Variants in VPS13B observed in about 807,000 individuals in gnomAD.
VPS13B encodes vacuolar protein sorting 13 homolog B, also known as intermembrane lipid transfer protein VPS13B.
Under a neutral mutation model 426.4 loss-of-function variants are expected in VPS13B, and 285 were observed. The observed-to-expected ratio is 0.67, with a 90% CI of 0.61 to 0.74. The LOEUF is 0.74. VPS13B is among the 30% of genes least tolerant of loss of function. VPS13B has a pLI of 0.00. For missense variants in VPS13B, 4,537 were observed against 4,782.6 expected (o/e 0.95, Z 1.51); for synonymous variants, 1,676 against 1,676.4 (o/e 1.00, Z 0.01).
At chr8:99,475,432 T>C (rs1819639184) in intron 24 of VPS13B, among the ~76,000 whole-genome samples, 2 of 152,238 alleles carry the variant, frequency 1.3e-5, no homozygotes, top group African/African-American at 4.8e-5. Context: ...AGGATAGTCC[T>C]ACTCCACATG....
chr8:99,031,958 C>G (rs780835393), intron 2 of VPS13B, among the ~76,000 whole-genome samples: 9 of 152,256 alleles, frequency 5.9e-5, no homozygotes, highest in African/African-American at 1.9e-4. Flanking sequence ...TGCGAATTCT[C>G]TCTTTGGAGC....
Position 99,661,359 on chromosome 8 carries a change from G to A in VPS13B, c.5914G>A (p.Gly1972Arg). 1 of 1,613,532 alleles carries A rather than the reference G, an allele frequency of 6.2e-7. No homozygotes were observed. The highest frequency in any genetic ancestry group is 8.5e-7 in the Non-Finnish European group (1 of 1,179,718). ...TTTCAATTTTGTCACTTTAGATCCT[G>A]GGAAGACTCTGCCTGAAGCCCTTGA... Reference protein sequence around the residue: ...VASDYKCIDPGKTLPEALDYC... With the variant: ...VASDYKCIDPRKTLPEALDYC... Residue 1972 changes from glycine to arginine, a missense_variant, in exon 35 of 62, where the codon GGG becomes AGG. This residue lies in a region of VPS13B where 4,311 missense variants were observed against 4,474.3 expected (regional missense o/e 0.96). Transcript: ENST00000357162.
chr8:99,836,724 T>C (rs79415841), intron 54 of VPS13B, among the ~76,000 whole-genome samples: 2 of 152,236 alleles, frequency 1.3e-5, no homozygotes, highest in African/African-American at 4.8e-5. Context: ...TTACAAACCA[T>C]ATATTAAAGT....
chr8:99,540,992 AT>A, intron 30 of VPS13B, among the ~76,000 whole-genome samples: 1 of 152,288 alleles, frequency 6.6e-6, no homozygotes, highest in East Asian at 1.9e-4. Context: ...TATTCTGCTT[AT>A]AAAAACTGCC....
intron 17 of VPS13B, among the ~76,000 whole-genome samples, chr8:99,252,689 A>AT (rs1378240694): frequency 6.6e-6 from 1 of 152,004 alleles, no homozygotes; most frequent in African/African-American, 2.4e-5. Flanking sequence ...TGCTTCACAT[A>AT]TTTTATAGCT....
chr8:99,439,633 A>T (rs1817581679), intron 22 of VPS13B, among the ~76,000 whole-genome samples: 1 of 152,164 alleles, frequency 6.6e-6, no homozygotes, highest in Admixed American at 6.5e-5. Context: ...TCAAGTTGTA[A>T]ATAAAAATAA....
intron 16 of VPS13B, among the ~76,000 whole-genome samples, chr8:99,177,875 C>T (rs1043765782): frequency 6.6e-6 from 1 of 152,144 alleles, no homozygotes; most frequent in Non-Finnish European, 1.5e-5. Context: ...TTTGGCTTTG[C>T]CTGTGCACAG....
Position 99,511,429 on chromosome 8 carries a change from G to A in VPS13B, c.4550G>A (p.Arg1517His), listed in dbSNP as rs531149269. 62 of 1,613,126 alleles carry A rather than the reference G, an allele frequency of 3.8e-5. No individual in the cohort carries two copies. Among genetic ancestry groups the A allele is most frequent in the African/African-American group, 2.0e-4 (15 of 74,970 alleles). ...QPMRTHTLTS[R>H]NLPLIYVNTS... The stretch of plus-strand genomic sequence containing the variant: ...ATGAGGACCCATACACTGACATCCC[G>A]CAATTTACCTTTGATTTATGTCAAC... The change falls in exon 29 of 62, where the codon CGC becomes CAC. Residue 1517 changes from arginine (R) to histidine (H), a missense_variant. Around this residue, in one of 2 missense-constraint regions of VPS13B, gnomAD observed 4,311 missense variants for 4,474.3 expected, o/e 0.96. Coordinates refer to ENST00000357162, the MANE Select transcript of VPS13B (RefSeq NM_152564.5).
At chr8:99,164,707 ACTT>A (rs1811889638) in intron 15 of VPS13B, among the ~76,000 whole-genome samples, 1 of 150,416 alleles carries the variant, frequency 6.6e-6, no homozygotes, top group Admixed American at 6.6e-5. Flanking sequence ...TCTCTCTTCG[ACTT>A]CTTCTTTGTC....
intron 19 of VPS13B, among the ~76,000 whole-genome samples, chr8:99,344,498 A>G (rs1034508747): frequency 1.3e-5 from 2 of 152,180 alleles, no homozygotes; most frequent in Non-Finnish European, 2.9e-5. Flanking sequence ...TTTATTGGAT[A>G]TTGCCAAATT....
At chr8:99,462,867 G>A (rs1173478047) in intron 23 of VPS13B, among the ~76,000 whole-genome samples, 1 of 152,140 alleles carries the variant, frequency 6.6e-6, no homozygotes. Context: ...TTATCTAATT[G>A]TTTTCCAGCC....
At chr8:99,178,169 T>A (rs1036258873) in intron 16 of VPS13B, among the ~76,000 whole-genome samples, 55 of 151,748 alleles carry the variant, frequency 3.6e-4, no homozygotes, top group African/African-American at 1.2e-3. Context: ...ATTTTTTTTT[T>A]ATTATACTCT....
At position 99,823,967 on chromosome 8, in the gene VPS13B, T is replaced by G. The variant is rs1469384811; in HGVS notation, c.9319T>G (p.Ser3107Ala). Residue 3107 changes from serine (S) to alanine (A), a missense_variant, in exon 51 of 62, where the codon TCT (serine) becomes GCT (alanine). This residue lies in a region of VPS13B where 4,311 missense variants were observed against 4,474.3 expected (regional missense o/e 0.96). Coordinates refer to ENST00000357162, the MANE Select transcript of VPS13B (RefSeq NM_152564.5). ...ACAGCTATCTGTCTGCAATCCCCAT[T>G]CTGGAAAGGAGGTAAGCAAATCATA... ...KPQLSVCNPH[S>A]GKEYFRVPDS... The G allele has an allele frequency of 1.2e-6, 2 of 1,612,506 alleles. No homozygotes were observed. The highest frequency in any genetic ancestry group is 2.2e-5 in the South Asian group (2 of 91,068).
At chr8:99,779,210 T>C (rs1209982705) in intron 42 of VPS13B, among the ~76,000 whole-genome samples, 179 bp downstream of exon 42, 1 of 152,222 alleles carries the variant, frequency 6.6e-6, no homozygotes, top group Non-Finnish European at 1.5e-5. Flanking sequence ...CATGTTATTT[T>C]TGAAAAACTG....
At chr8:99,144,953 A>G (rs1401923028) in intron 13 of VPS13B, among the ~76,000 whole-genome samples, 2 of 152,240 alleles carry the variant, frequency 1.3e-5, no homozygotes, top group Non-Finnish European at 2.9e-5. Context: ...TGAAGTTTAT[A>G]TGTGAGCTAA....
intron 16 of VPS13B, among the ~76,000 whole-genome samples, chr8:99,179,745 A>G (rs1346902770): frequency 6.6e-6 from 1 of 152,182 alleles, no homozygotes; most frequent in Non-Finnish European, 1.5e-5. Flanking sequence ...TCTGTGGGGC[A>G]CGTTTATCGT....
At chr8:99,276,528 C>T (rs1158418503) in intron 19 of VPS13B, among the ~76,000 whole-genome samples, 2 of 152,090 alleles carry the variant, frequency 1.3e-5, no homozygotes, top group East Asian at 1.9e-4. Context: ...CAGTCTCTGT[C>T]TCAACTGTTT....
At chr8:99,037,584 T>C (rs1191095366) in intron 2 of VPS13B, among the ~76,000 whole-genome samples, 1 of 152,114 alleles carries the variant, frequency 6.6e-6, no homozygotes, top group Non-Finnish European at 1.5e-5. Context: ...TGAATAAGCT[T>C]AATATTTTTA....
chr8:99,456,501 G>T (rs1818471416), intron 23 of VPS13B, among the ~76,000 whole-genome samples: 2 of 152,020 alleles, frequency 1.3e-5, no homozygotes, highest in African/African-American at 4.8e-5. Flanking sequence ...ATCATGAATT[G>T]CTTGTTGATT....
Sources: gnomAD v4.1 joint callset for allele counts (sites outside exome capture counted in the v4.1 genomes callset) on GRCh38, gnomAD v4.1.1 for gene constraint, gnomAD v4.1.1 regional missense constraint, MANE v1.5 for transcripts, NCBI Gene and HGNC (gene_info 2026-07-23, HGNC 2026-07-21) for gene names.